FSTL5: variants seen among roughly 807,000 people sequenced by gnomAD.
FSTL5 encodes the protein follistatin-related protein 5.
FSTL5 carries 62 observed loss-of-function variants against 89.1 expected under a neutral mutation model. The ratio of observed to expected loss-of-function variants is 0.70; its 90% CI spans 0.57 to 0.86. The LOEUF is 0.86. Among genes scored for constraint, FSTL5 ranks in the 40% least tolerant of loss-of-function variants. The pLI is 0.00. For missense variants in FSTL5, 1,057 were observed against 1,001.6 expected (o/e 1.06, Z -0.75); for synonymous variants, 383 against 346.2 (o/e 1.11, Z -1.18).
intron 6 of FSTL5, among the ~76,000 whole-genome samples, chr4:161,677,016 G>C (rs35321450): frequency 6.6e-6 from 1 of 151,798 alleles, no homozygotes; most frequent in Non-Finnish European, 1.5e-5. Context: ...TTTACTGAAT[G>C]AATCTATATG....
intron 15 of FSTL5, chr4:161,386,733 C>T (rs765929756): frequency 5.8e-6 from 2 of 347,294 alleles, no homozygotes; most frequent in Non-Finnish European, 1.1e-5. Flanking sequence ...TTGCTTTTAA[C>T]ATAGTGGAAA....
chr4:161,789,944 T>C (rs1339117011), intron 4 of FSTL5, among the ~76,000 whole-genome samples: 1 of 152,224 alleles, frequency 6.6e-6, no homozygotes, highest in Non-Finnish European at 1.5e-5. Flanking sequence ...TCTTTATTGC[T>C]ACACAAAACA....
intron 3 of FSTL5, among the ~76,000 whole-genome samples, chr4:161,990,249 C>CA (rs1239928360): frequency 1.3e-5 from 2 of 151,994 alleles, no homozygotes; most frequent in African/African-American, 2.4e-5. Context: ...CCTCATATCA[C>CA]AATGAGACAA....
At chr4:161,703,496 A>T (rs1738472436) in intron 6 of FSTL5, among the ~76,000 whole-genome samples, 1 of 152,062 alleles carries the variant, frequency 6.6e-6, no homozygotes, top group Non-Finnish European at 1.5e-5. Context: ...AGCTCAGGTA[A>T]ATCCTCTTGA....
intron 7 of FSTL5, among the ~76,000 whole-genome samples, chr4:161,632,800 T>C (rs760602527): frequency 5.9e-5 from 9 of 152,156 alleles, no homozygotes; most frequent in Non-Finnish European, 1.0e-4. Flanking sequence ...TAATAAAATA[T>C]TCAAATAAAA....
chr4:161,834,378 T>A (rs946008480), intron 4 of FSTL5, among the ~76,000 whole-genome samples: 2 of 152,138 alleles, frequency 1.3e-5, no homozygotes, highest in African/African-American at 4.8e-5. Context: ...AGCATTCCCT[T>A]TGAAAACTGG....
intron 5 of FSTL5, among the ~76,000 whole-genome samples, chr4:161,767,775 T>A (rs570392530): frequency 3.6e-4 from 54 of 150,680 alleles, no homozygotes; most frequent in African/African-American, 1.3e-3. Flanking sequence ...CTGAATAGGA[T>A]TCAGACAATA....
chr4:161,861,938 T>C (rs181337460), intron 4 of FSTL5, among the ~76,000 whole-genome samples: 3 of 152,346 alleles, frequency 2.0e-5, no homozygotes, highest in African/African-American at 7.2e-5. Flanking sequence ...GTAACATCAT[T>C]ACTCTTTCCT....
At chr4:161,796,633 A>G (rs1258450676) in intron 4 of FSTL5, among the ~76,000 whole-genome samples, 1 of 151,444 alleles carries the variant, frequency 6.6e-6, no homozygotes, top group Non-Finnish European at 1.5e-5. Flanking sequence ...CTTTTTCCAG[A>G]AAGTTTTTTT....
intron 13 of FSTL5, among the ~76,000 whole-genome samples, chr4:161,477,412 T>C (rs1729315847): frequency 6.7e-6 from 1 of 150,068 alleles, no homozygotes; most frequent in Admixed American, 6.7e-5. Context: ...TATTGTTTTA[T>C]ATTATATAAA....
At chr4:161,760,845 C>T (rs745423824) in intron 5 of FSTL5, among the ~76,000 whole-genome samples, 9 of 152,068 alleles carry the variant, frequency 5.9e-5, no homozygotes, top group Non-Finnish European at 1.3e-4. Context: ...TGCTTTTGAG[C>T]TATTTTTTCA....
intron 10 of FSTL5, among the ~76,000 whole-genome samples, chr4:161,520,624 G>T (rs867508147): frequency 1.3e-5 from 2 of 152,032 alleles, no homozygotes; most frequent in Non-Finnish European, 2.9e-5. Flanking sequence ...AATTATATGT[G>T]GTTGGAACAA....
At chr4:162,020,483 C>G (rs999558037) in intron 3 of FSTL5, among the ~76,000 whole-genome samples, 4 of 152,126 alleles carry the variant, frequency 2.6e-5, no homozygotes, top group South Asian at 4.1e-4. Context: ...ATTAAAACTG[C>G]TTCTAATACT....
At chr4:161,937,387 C>G (rs1409935359) in intron 3 of FSTL5, among the ~76,000 whole-genome samples, 1 of 151,916 alleles carries the variant, frequency 6.6e-6, no homozygotes, top group East Asian at 1.9e-4. Flanking sequence ...AAAATATTTC[C>G]CAGAACTGAA....
At chr4:161,613,398 C>A (rs1162714914) in intron 7 of FSTL5, among the ~76,000 whole-genome samples, 2 of 149,718 alleles carry the variant, frequency 1.3e-5, no homozygotes, top group African/African-American at 4.9e-5. Flanking sequence ...TGCAGGGAGC[C>A]GAGATGGTGC....
chr4:161,662,357 A>G (rs1736746381), intron 6 of FSTL5, among the ~76,000 whole-genome samples: 1 of 152,190 alleles, frequency 6.6e-6, no homozygotes, highest in African/African-American at 2.4e-5. Context: ...CACTAAAAAT[A>G]ATCCAATAAG....
chr4:161,556,111 G>A (rs1044081406), intron 8 of FSTL5, among the ~76,000 whole-genome samples: 1 of 151,496 alleles, frequency 6.6e-6, no homozygotes, highest in Non-Finnish European at 1.5e-5. Context: ...TCAAAGCTGT[G>A]TCTAAACACA....
chr4:162,010,443 C>T (rs1018805346), intron 3 of FSTL5, among the ~76,000 whole-genome samples: 1 of 152,088 alleles, frequency 6.6e-6, no homozygotes, highest in Admixed American at 6.5e-5. Context: ...AAATGATGAA[C>T]ATGTAAGAAA....
chr4:162,052,803 C>T (rs1300469779), intron 2 of FSTL5, among the ~76,000 whole-genome samples: 1 of 151,768 alleles, frequency 6.6e-6, no homozygotes, highest in Non-Finnish European at 1.5e-5. Flanking sequence ...AAAATCTACT[C>T]TCTTAGTTTT....
Sources: allele counts gnomAD v4.1 joint callset (sites outside exome capture counted in the v4.1 genomes callset), GRCh38; gene constraint gnomAD v4.1.1; transcripts MANE v1.5; gene names NCBI Gene and HGNC (gene_info 2026-07-23, HGNC 2026-07-21).